The following CLASP2 variants were observed in gnomAD, a reference collection of about 807,000 sequenced individuals.
CLASP2 encodes cytoplasmic linker associated protein 2, also known as CLIP-associating protein 2.
Under a neutral mutation model 194.4 loss-of-function variants are expected in CLASP2, and 47 were observed. That is an observed-to-expected ratio of 0.24 (90% CI 0.19 to 0.31). The LOEUF (loss-of-function observed/expected upper bound fraction) is 0.31. Ranked by LOEUF, CLASP2 falls within the 10% of genes least tolerant of loss-of-function variation. The pLI is 1.00. For synonymous variants in CLASP2, 619 were observed against 633.5 expected (o/e 0.98, Z 0.34); for missense variants, 1,445 against 1,823.6 (o/e 0.79, Z 3.78).
chr3:33,542,381 T>C (rs1225782972), intron 32 of CLASP2, among the ~76,000 whole-genome samples: 2 of 148,420 alleles, frequency 1.3e-5, no homozygotes, highest in Non-Finnish European at 3.0e-5. Context: ...TGAATTATAA[T>C]AACTATGATT....
At chr3:33,675,583 C>A (rs1238878029) in intron 6 of CLASP2, among the ~76,000 whole-genome samples, 1 of 148,904 alleles carries the variant, frequency 6.7e-6, no homozygotes, top group Non-Finnish European at 1.5e-5. Flanking sequence ...GAAGTTCTGG[C>A]CAGGGCAATT....
intron 8 of CLASP2, among the ~76,000 whole-genome samples, chr3:33,639,657 A>G (rs899812576): frequency 6.6e-6 from 1 of 152,190 alleles, no homozygotes; most frequent in African/African-American, 2.4e-5. Context: ...AAAATAATTT[A>G]TATGTTATTT....
chr3:33,539,341 C>T (rs1404262122), intron 32 of CLASP2, among the ~76,000 whole-genome samples: 1 of 150,828 alleles, frequency 6.6e-6, no homozygotes, highest in Non-Finnish European at 1.5e-5. Context: ...TAAATTTTTT[C>T]TTTTTTTTTG....
intron 5 of CLASP2, among the ~76,000 whole-genome samples, chr3:33,685,338 G>A (rs1308395177): frequency 4.3e-4 from 19 of 44,424 alleles, no homozygotes; most frequent in African/African-American, 1.5e-3. Flanking sequence ...GCGAAACTCC[G>A]TCTCAAAAAA....
chr3:33,648,688 T>C (rs1034481857), intron 7 of CLASP2, among the ~76,000 whole-genome samples: 2 of 152,222 alleles, frequency 1.3e-5, no homozygotes, highest in African/African-American at 4.8e-5. Flanking sequence ...TATTCTGGGC[T>C]TGAATTTTTT....
intron 34 of CLASP2, among the ~76,000 whole-genome samples, chr3:33,525,017 T>C (rs1209159166): frequency 1.3e-5 from 2 of 152,218 alleles, no homozygotes; most frequent in Non-Finnish European, 2.9e-5. Flanking sequence ...ATATAGGTTA[T>C]ATGTTGGGAC....
chr3:33,593,947 G>A (rs1439865285), intron 20 of CLASP2, among the ~76,000 whole-genome samples: 3 of 152,080 alleles, frequency 2.0e-5, no homozygotes, highest in Non-Finnish European at 2.9e-5. Context: ...AGGCTCAAGT[G>A]GTCCTCCCAC....
At chr3:33,649,759 C>T (rs956972579) in intron 7 of CLASP2, among the ~76,000 whole-genome samples, 2 of 152,108 alleles carry the variant, frequency 1.3e-5, no homozygotes, top group African/African-American at 4.8e-5. Flanking sequence ...TAAGTAAGAT[C>T]TTATTTTCCT....
intron 30 of CLASP2, among the ~76,000 whole-genome samples, chr3:33,547,177 C>A (rs558880628): frequency 6.6e-6 from 1 of 152,298 alleles, no homozygotes; most frequent in East Asian, 1.9e-4. Flanking sequence ...TCCCATAATT[C>A]CCACGTGTTG....
At position 33,578,714 on chromosome 3, in the gene CLASP2, T is replaced by C. The variant is rs114831081; in HGVS notation, c.2348-2439A>G. Among the ~76,000 whole-genome samples the C allele has an allele frequency of 3.5e-3, 538 of 152,316 alleles. 1 individual carries two copies. Among genetic ancestry groups the C allele is most frequent in the Middle Eastern group, 0.01 (3 of 294 alleles). On this transcript the variant is annotated intron_variant, in intron 23 of 38. Coordinates refer to ENST00000682230, the MANE Select transcript of CLASP2 (RefSeq NM_001365631.1). ...ATGATGAGGAGGAGTTGAACAAATTTAAAAATGTCTAGTGGACAAAAATCT... is the reference window on the plus strand; with the variant it reads ...ATGATGAGGAGGAGTTGAACAAATTCAAAAATGTCTAGTGGACAAAAATCT...
intron 23 of CLASP2, chr3:33,576,534 C>T: frequency 2.6e-6 from 1 of 391,326 alleles, no homozygotes; most frequent in Non-Finnish European, 4.7e-6. Flanking sequence ...GGAAGCATGG[C>T]TGGCAGACTA....
intron 9 of CLASP2, among the ~76,000 whole-genome samples, chr3:33,631,576 A>C (rs964464661): frequency 2.0e-5 from 3 of 152,120 alleles, no homozygotes; most frequent in Non-Finnish European, 4.4e-5. Context: ...GGGCGCCTGT[A>C]ATCTCAGCTA....
chr3:33,499,300 G>A (rs1252895204), intron 38 of CLASP2, among the ~76,000 whole-genome samples: 2 of 151,798 alleles, frequency 1.3e-5, no homozygotes, highest in Admixed American at 6.6e-5. Flanking sequence ...CCAGCCATGC[G>A]GAACTGTGAG....
intron 2 of CLASP2, among the ~76,000 whole-genome samples, chr3:33,696,509 AG>A (rs1297913964): frequency 6.8e-6 from 1 of 147,410 alleles, no homozygotes; most frequent in African/African-American, 2.5e-5. Flanking sequence ...TCTGTCACCC[AG>A]GCTGGAGTGC....
At chr3:33,673,702 C>G (rs984858480) in intron 6 of CLASP2, among the ~76,000 whole-genome samples, 5 of 152,182 alleles carry the variant, frequency 3.3e-5, no homozygotes, top group Admixed American at 3.3e-4. Flanking sequence ...AAACCCATCT[C>G]ACGTGCACAG....
At chr3:33,620,886 C>T (rs992456157) in intron 11 of CLASP2, among the ~76,000 whole-genome samples, 1 of 152,132 alleles carries the variant, frequency 6.6e-6, no homozygotes, top group African/African-American at 2.4e-5. Context: ...GTTTATCTTA[C>T]AGCTCCCAGG....
chr3:33,715,575 A>G (rs2093253224), intron 1 of CLASP2, among the ~76,000 whole-genome samples: 1 of 152,142 alleles, frequency 6.6e-6, no homozygotes. Context: ...TAGGTCATCG[A>G]TAAATATCCT....
Position 33,704,745 on chromosome 3 carries a change from G to A in CLASP2, c.196-7812C>T, listed in dbSNP as rs993941587. ...TCCAGCTTGGGTGACAGATGGAGAC[G>A]CAGTCTAAAAATATATATATACATA... On this transcript the variant is annotated intron_variant, in intron 1 of 38. Coordinates refer to ENST00000682230, the MANE Select transcript of CLASP2 (RefSeq NM_001365631.1). Among the ~76,000 whole-genome samples, 17 of 151,232 alleles carry A rather than the reference G, an allele frequency of 1.1e-4. No homozygotes were observed. In the South Asian group the frequency reaches 1.9e-3, roughly 17 times the overall value.
rs954477611 is a variant in CLASP2, at chr3:33,689,008, T to C, written c.379-640A>G. Among the ~76,000 whole-genome samples the C allele has an allele frequency of 3.3e-5, 5 of 152,094 alleles. No homozygotes were observed. In the East Asian group the frequency reaches 9.6e-4, roughly 29 times the overall value. Reference sequence around the variant, plus strand: ...TAAAGCCAACTGTACCAATCAATCCTTTCTCCACATTTGGAAACACCACCT... The same window carrying C: ...TAAAGCCAACTGTACCAATCAATCCCTTCTCCACATTTGGAAACACCACCT... On this transcript the variant is annotated intron_variant, in intron 3 of 38. Transcript: ENST00000682230.
Sources: gnomAD v4.1 joint callset for allele counts (sites outside exome capture counted in the v4.1 genomes callset) on GRCh38, gnomAD v4.1.1 for gene constraint, MANE v1.5 for transcripts, NCBI Gene and HGNC (gene_info 2026-07-23, HGNC 2026-07-21) for gene names.